The following SHTN1 variants were observed in gnomAD, a reference collection of about 807,000 sequenced individuals.
SHTN1 encodes shootin-1.
A neutral mutation model predicts 83.1 loss-of-function variants in SHTN1; 42 were observed. The observed-to-expected ratio is 0.51, with a 90% CI of 0.39 to 0.65. The LOEUF (loss-of-function observed/expected upper bound fraction) is 0.65. Ranked by LOEUF, SHTN1 falls within the 30% of genes least tolerant of loss-of-function variation. SHTN1 has a pLI of 0.00. For synonymous variants in SHTN1, 224 were observed against 247.7 expected (o/e 0.90, Z 0.90); for missense variants, 622 against 737.8 (o/e 0.84, Z 1.82).
intron 1 of SHTN1, among the ~76,000 whole-genome samples, chr10:117,070,403 C>T (rs61301305): frequency 0.017 from 2,530 of 152,156 alleles, 58 homozygotes; most frequent in East Asian, 0.12. Flanking sequence ...CTCCTTTCCT[C>T]TATCTGCTTT....
At chr10:117,016,588 G>C (rs1852184270) in intron 2 of SHTN1, among the ~76,000 whole-genome samples, 1 of 152,140 alleles carries the variant, frequency 6.6e-6, no homozygotes, top group African/African-American at 2.4e-5. Flanking sequence ...TGTATTTTTA[G>C]TAGAGGCAGG....
At chr10:117,083,500 G>A (rs1853303815) in intron 1 of SHTN1, among the ~76,000 whole-genome samples, 3 of 151,740 alleles carry the variant, frequency 2.0e-5, no homozygotes, top group South Asian at 4.2e-4. Flanking sequence ...TGGTGAATCT[G>A]ACAATTATGT....
At position 116,950,233 on chromosome 10, in the gene SHTN1, T is replaced by C. The variant is rs183506116; in HGVS notation, c.535-1236A>G. Reference sequence around the variant, plus strand: ...AGGCTGGAGGGTGGTAATACGATCATAGCTCATTGCAGCCTGGAACTCCTG... The same window carrying C: ...AGGCTGGAGGGTGGTAATACGATCACAGCTCATTGCAGCCTGGAACTCCTG... On this transcript the variant is annotated intron_variant, in intron 6 of 16. Coordinates refer to ENST00000355371, the MANE Select transcript of SHTN1 (RefSeq NM_001127211.3). Among the ~76,000 whole-genome samples, 423 of 152,300 alleles carry C rather than the reference T, an allele frequency of 2.8e-3. 1 individual carries two copies. Among genetic ancestry groups the C allele is most frequent in the Admixed American group, 4.6e-3 (71 of 15,298 alleles).
chr10:116,924,050 T>A (rs1340360784), intron 11 of SHTN1, among the ~76,000 whole-genome samples: 1 of 152,214 alleles, frequency 6.6e-6, no homozygotes, highest in Non-Finnish European at 1.5e-5. Context: ...CTTCTGACTT[T>A]GTCTAGTTTC....
chr10:116,956,145 T>C (rs1378723556), intron 4 of SHTN1, among the ~76,000 whole-genome samples: 1 of 152,264 alleles, frequency 6.6e-6, no homozygotes, highest in Admixed American at 6.5e-5. Flanking sequence ...CTAATGGTTC[T>C]CAACTCTGGC....
chr10:116,951,018 C>T (rs2133419908), intron 6 of SHTN1, among the ~76,000 whole-genome samples: 1 of 152,294 alleles, frequency 6.6e-6, no homozygotes, highest in Non-Finnish European at 1.5e-5. Context: ...GCTACAGAAT[C>T]TAAGAACCAC....
chr10:116,941,796 C>A (rs1436417764), intron 8 of SHTN1, among the ~76,000 whole-genome samples: 1 of 152,146 alleles, frequency 6.6e-6, no homozygotes, highest in Admixed American at 6.5e-5. Flanking sequence ...TCGACTTCCA[C>A]ATCAAAGTCA....
intron 1 of SHTN1, among the ~76,000 whole-genome samples, chr10:117,121,686 A>G (rs1414013118): frequency 6.6e-6 from 1 of 151,988 alleles, no homozygotes. Context: ...CAAGTCCTTA[A>G]TGTAAAATGG....
Position 116,881,514 on chromosome 10 carries a change from G to C in SHTN1, c.*4830C>G. 1 of 1,536,328 alleles carries C rather than the reference G, an allele frequency of 6.5e-7. No individual in the cohort carries two copies. The highest frequency in any genetic ancestry group is 8.8e-7 in the Non-Finnish European group (1 of 1,141,636). ...GTAAACTTTATTGTTACTTTAAATA[G>C]GTTTCAAAGAAGAACACACTTTTTT... On this transcript the variant is annotated 3_prime_UTR_variant, in exon 17 of 17. Coordinates refer to ENST00000355371, the MANE Select transcript of SHTN1 (RefSeq NM_001127211.3).
chr10:117,005,222 G>T, upstream of SHTN1: 1 of 1,500,032 alleles, frequency 6.7e-7, no homozygotes, highest in Non-Finnish European at 8.9e-7. Context: ...CCTCCTCCTG[G>T]CGCGGAGCGC....
rs112628935 is a variant in SHTN1, at chr10:116,915,502, A to G, written c.1196-18T>C. ...TTCTTCAGCTGTTCAAAGAACACAG[A>G]CATAAATCCTCTTATGTTACAAGAA... On this transcript the variant is annotated intron_variant, in intron 12 of 16. Transcript: ENST00000355371. 8.7e-6 allele frequency: 12 copies of G among 1,384,876 alleles called. No homozygotes were observed. In the African/African-American group the frequency reaches 1.6e-4, roughly 18 times the overall value. The allele number at this position is 1,384,876 out of a possible 1,614,324, so 85.8% of individuals were successfully genotyped here.
At chr10:117,056,371 GTATT>G (rs1447497599) in intron 1 of SHTN1, among the ~76,000 whole-genome samples, 3 of 152,134 alleles carry the variant, frequency 2.0e-5, no homozygotes, top group African/African-American at 7.2e-5. Context: ...GCACAACCAA[GTATT>G]TATTTCAGGT....
chr10:117,061,146 T>C (rs1852893344), intron 1 of SHTN1, among the ~76,000 whole-genome samples: 1 of 151,132 alleles, frequency 6.6e-6, no homozygotes, highest in African/African-American at 2.5e-5. Flanking sequence ...TTTTTTTTTT[T>C]TTTTCTTTTT....
chr10:116,901,332 A>C (rs1847726648), intron 16 of SHTN1: 1 of 985,214 alleles, frequency 1.0e-6, no homozygotes, highest in Non-Finnish European at 1.2e-6. Flanking sequence ...TATTAGGCAC[A>C]TCTTTAACTG....
At chr10:116,999,856 T>C (rs1398191163) in intron 1 of SHTN1, among the ~76,000 whole-genome samples, 2 of 152,112 alleles carry the variant, frequency 1.3e-5, no homozygotes, top group African/African-American at 4.8e-5. Context: ...GAGGTTGCAG[T>C]GAGCCGAGAC....
At chr10:116,940,760 C>A in intron 8 of SHTN1, 148 bp from the exon 9 acceptor site, 1 of 551,886 alleles carries the variant, frequency 1.8e-6, no homozygotes, top group South Asian at 3.4e-5. Flanking sequence ...GTAGTGATTG[C>A]TATGATTTCA....
At chr10:117,118,640 A>G (rs4417186) in intron 1 of SHTN1, among the ~76,000 whole-genome samples, 135,612 of 152,186 alleles carry the variant, frequency 0.89, 61,591 homozygotes, top group Non-Finnish European at 0.98. Context: ...CCAAAACATG[A>G]AATCAACCTA....
At chr10:116,993,263 C>T (rs1467309715) in intron 1 of SHTN1, among the ~76,000 whole-genome samples, 1 of 151,996 alleles carries the variant, frequency 6.6e-6, no homozygotes, top group East Asian at 1.9e-4. Flanking sequence ...GATCCGCCTG[C>T]CCTGACCTCC....
Position 116,954,127 on chromosome 10 carries a change from T to C in SHTN1, c.351A>G (p.Ile117Met). 1.9e-6 allele frequency: 3 copies of C among 1,613,988 alleles called. No homozygotes were observed. Among genetic ancestry groups the C allele is most frequent in the Non-Finnish European group, 2.5e-6 (3 of 1,179,884 alleles). ...KLGPDVITEE[I>M]NIDDEDSTTD... The stretch of plus-strand genomic sequence containing the variant: ...TAGTCGAATCTTCATCATCAATGTT[T>C]ATCTCTTCAGTTATTACATCTGGTC... Residue 117 changes from isoleucine to methionine, a missense_variant, in exon 5 of 17, where the codon ATA becomes ATG. Transcript: ENST00000355371.
Sources: gnomAD v4.1 joint callset for allele counts (sites outside exome capture counted in the v4.1 genomes callset) on GRCh38, gnomAD v4.1.1 for gene constraint, MANE v1.5 for transcripts, NCBI Gene and HGNC (gene_info 2026-07-23, HGNC 2026-07-21) for gene names.